Variants in WDR44 observed in about 807,000 individuals in gnomAD.
WDR44 encodes the protein WD repeat domain 44, also known as WD repeat-containing protein 44.
Under a neutral mutation model 65.7 loss-of-function variants are expected in WDR44, and 9 were observed. That is an observed-to-expected ratio of 0.14 (90% CI 0.08 to 0.24). The LOEUF (loss-of-function observed/expected upper bound fraction) is 0.24, where lower values mean the gene tolerates loss of function less well. Among genes scored for constraint, WDR44 ranks in the 10% least tolerant of loss-of-function variants. The pLI, the probability that WDR44 is intolerant of heterozygous loss-of-function variation, is 1.00. For missense variants in WDR44, 425 were observed against 670.9 expected (o/e 0.63, Z 4.05); for synonymous variants, 220 against 235.2 (o/e 0.94, Z 0.59).
At chrX:118,444,534 C>G in intron 19 of WDR44, 40 bp downstream of exon 19, 1 of 1,175,104 alleles carries the variant, frequency 8.5e-7, no homozygotes, top group Non-Finnish European at 1.1e-6. Context: ...CTAGTCAGCA[C>G]TTAGTAGCCT....
chrX:118,449,441 T>C lies in WDR44; in HGVS notation c.*454T>C, dbSNP rs2057373554. ...TCATTTTTAATAAAAGTGGTATCTT[T>C]TGACTGAGTTATTGTTTTGAAAATG... is the stretch of plus-strand genomic sequence containing the variant. On this transcript the variant is annotated 3_prime_UTR_variant, in exon 20 of 20. Coordinates refer to ENST00000254029, the MANE Select transcript of WDR44 (RefSeq NM_019045.5). 1 of 111,777 alleles carries C rather than the reference T, an allele frequency of 8.9e-6. No individual in the cohort carries two copies. Among genetic ancestry groups the C allele is most frequent in the Non-Finnish European group, 1.9e-5 (1 of 53,250 alleles). The allele number at this position is 111,777 out of a possible 1,213,427, so 9.2% of individuals were successfully genotyped here.
chrX:118,372,869 G>A (rs6645485), intron 1 of WDR44, among the ~76,000 whole-genome samples: 16,287 of 111,341 alleles, frequency 0.15, 2,076 homozygotes, highest in African/African-American at 0.4. Context: ...AGGGCGGATC[G>A]TCTGAGGTCA....
intron 12 of WDR44, among the ~76,000 whole-genome samples, chrX:118,429,219 T>C (rs899363378): frequency 4.5e-5 from 5 of 111,156 alleles, no homozygotes; most frequent in Admixed American, 1.9e-4. Flanking sequence ...TATTTTTTAA[T>C]TCAAAACATA....
At chrX:118,358,418 A>G (rs990843181) in intron 1 of WDR44, among the ~76,000 whole-genome samples, 6 of 112,180 alleles carry the variant, frequency 5.3e-5, no homozygotes, top group Non-Finnish European at 1.1e-4. Flanking sequence ...GTTTTGCTCA[A>G]AGTAAGGATT....
At chrX:118,417,055 C>T (rs995805112) in intron 12 of WDR44, among the ~76,000 whole-genome samples, 4 of 111,515 alleles carry the variant, frequency 3.6e-5, no homozygotes, top group African/African-American at 1.3e-4. Flanking sequence ...TTTTACCACC[C>T]CTTTAAGTTT....
chrX:118,359,257 C>T (rs1004921383), intron 1 of WDR44, among the ~76,000 whole-genome samples: 1 of 112,201 alleles, frequency 8.9e-6, no homozygotes, highest in Non-Finnish European at 1.9e-5. Context: ...CTGGAAATTA[C>T]TTTAAGTCAT....
intron 12 of WDR44, among the ~76,000 whole-genome samples, chrX:118,432,332 A>G (rs928892102): frequency 9.0e-6 from 1 of 111,646 alleles, no homozygotes; most frequent in Admixed American, 9.6e-5. Flanking sequence ...ACCCTCTTTA[A>G]GGGTGAGAAA....
At chrX:118,392,116 T>C in intron 3 of WDR44, among the ~76,000 whole-genome samples, 1 of 111,901 alleles carries the variant, frequency 8.9e-6, no homozygotes, top group Non-Finnish European at 1.9e-5. Flanking sequence ...ATCTGCTGGT[T>C]TTTGGGTCAT....
At chrX:118,443,480 T>C in intron 17 of WDR44, 80 bp from the exon 18 acceptor site, 2 of 1,088,991 alleles carry the variant, frequency 1.8e-6, no homozygotes, top group Non-Finnish European at 2.5e-6. Flanking sequence ...TATCACAAAG[T>C]AGGAAGCACT....
intron 8 of WDR44, 27 bp from the exon 9 acceptor site, chrX:118,404,311 G>A (rs770428872): frequency 1.8e-6 from 2 of 1,100,632 alleles, no homozygotes; most frequent in Non-Finnish European, 2.5e-6. Context: ...AGTTAACTGA[G>A]TTGATACTTT....
chrX:118,368,712 C>CTTTTTT (rs57659623), intron 1 of WDR44, among the ~76,000 whole-genome samples: 2 of 70,817 alleles, frequency 2.8e-5, no homozygotes, highest in African/African-American at 7.2e-5. Flanking sequence ...CATACTCTTC[C>CTTTTTT]TTTTTTTTTT....
chrX:118,424,321 GTGTATA>G (rs536236262), intron 12 of WDR44, among the ~76,000 whole-genome samples: 1 of 63,466 alleles, frequency 1.6e-5, no homozygotes, highest in African/African-American at 1.5e-4. Flanking sequence ...ATGTGTGTGT[GTGTATA>G]TATATATATA....
At chrX:118,413,676 AG>A (rs961178197) in intron 12 of WDR44, among the ~76,000 whole-genome samples, 12 of 111,570 alleles carry the variant, frequency 1.1e-4, no homozygotes, top group African/African-American at 3.6e-4. Flanking sequence ...GCTGTGCAAA[AG>A]CTCGTTAGTG....
chrX:118,448,054 A>G (rs1006482846), intron 19 of WDR44, among the ~76,000 whole-genome samples: 10 of 108,613 alleles, frequency 9.2e-5, no homozygotes, highest in Non-Finnish European at 9.6e-5. Context: ...TCATATTCCT[A>G]AGTTCTTTGC....
chrX:118,366,894 G>C (rs1282512282), intron 1 of WDR44, among the ~76,000 whole-genome samples: 2 of 111,584 alleles, frequency 1.8e-5, no homozygotes, highest in Non-Finnish European at 3.8e-5. Flanking sequence ...TCAGGAGATG[G>C]AGACCACGGT....
chrX:118,360,375 A>G (rs2056500904), intron 1 of WDR44, among the ~76,000 whole-genome samples: 1 of 112,073 alleles, frequency 8.9e-6, no homozygotes, highest in African/African-American at 3.2e-5. Flanking sequence ...GGTTCAACCT[A>G]GGGTTAGTTT....
rs1321774258 is a variant in WDR44, at chrX:118,449,507, G to A, written c.*520G>A. The A allele has an allele frequency of 1.8e-5, 2 of 111,268 alleles. No individual in the cohort carries two copies. The highest frequency in any genetic ancestry group is 6.5e-5 in the African/African-American group (2 of 30,623). 9.2% of individuals were successfully genotyped at this position (111,268 alleles called of 1,213,427 possible). ...GTAGGTCAACAACCATATGTAAATG[G>A]TTTTTATAAATTTCTCAATTTGGGG... is the stretch of plus-strand genomic sequence containing the variant. On this transcript the variant is annotated 3_prime_UTR_variant, in exon 20 of 20. Transcript: ENST00000254029.
chrX:118,357,122 T>G (rs756552712), intron 1 of WDR44, among the ~76,000 whole-genome samples: 1 of 111,128 alleles, frequency 9.0e-6, no homozygotes, highest in Non-Finnish European at 1.9e-5. Context: ...TGAGCCACTG[T>G]ACCTGGCCTG....
At chrX:118,385,248 C>T (rs1288601801) in intron 2 of WDR44, among the ~76,000 whole-genome samples, 1 of 112,065 alleles carries the variant, frequency 8.9e-6, no homozygotes, top group Non-Finnish European at 1.9e-5. Context: ...GACATGAAAT[C>T]AACCTAAATG....
Sources: gnomAD v4.1 joint callset for allele counts (sites outside exome capture counted in the v4.1 genomes callset) on GRCh38, gnomAD v4.1.1 for gene constraint, MANE v1.5 for transcripts, NCBI Gene and HGNC (gene_info 2026-07-23, HGNC 2026-07-21) for gene names.